The following CEP95 variants were observed in gnomAD, a reference collection of about 807,000 sequenced individuals.
The protein encoded by CEP95 is centrosomal protein 95.
CEP95 carries 98 observed loss-of-function variants against 111.2 expected under a neutral mutation model. The observed-to-expected ratio is 0.88, with a 90% CI of 0.75 to 1.04. The LOEUF (loss-of-function observed/expected upper bound fraction) is 1.04. Among genes scored for constraint, CEP95 ranks in the 50% least tolerant of loss-of-function variants. The pLI, the probability that CEP95 is intolerant of heterozygous loss-of-function variation, is 0.00. For missense variants in CEP95, 1,027 were observed against 977.2 expected (o/e 1.05, Z -0.68); for synonymous variants, 323 against 327.1 (o/e 0.99, Z 0.14).
chr17:64,507,283 T>A, intron 1 of CEP95, 167 bp downstream of exon 1: 1 of 1,472,666 alleles, frequency 6.8e-7, no homozygotes, highest in Non-Finnish European at 9.0e-7. Flanking sequence ...CTTCACCACC[T>A]CTTCGCTTCG....
At chr17:64,510,570 T>A (rs2144338580) in intron 3 of CEP95, among the ~76,000 whole-genome samples, 1 of 152,322 alleles carries the variant, frequency 6.6e-6, no homozygotes, top group South Asian at 2.1e-4. Context: ...TTTTTATTTT[T>A]TGATTCAGAG....
chr17:64,516,651 C>T, intron 4 of CEP95, 72 bp from the exon 5 acceptor site: 2 of 898,446 alleles, frequency 2.2e-6, no homozygotes, highest in South Asian at 3.6e-5. Context: ...CTTACCTTTC[C>T]CTGCCTCTTA....
intron 11 of CEP95, among the ~76,000 whole-genome samples, chr17:64,529,068 A>G (rs1295787299): frequency 6.6e-6 from 1 of 152,234 alleles, no homozygotes; most frequent in African/African-American, 2.4e-5. Context: ...TTGAATATCC[A>G]AAGTTGAATG....
intron 17 of CEP95, chr17:64,535,130 A>G (rs1290197092): frequency 1.3e-5 from 3 of 224,254 alleles, no homozygotes; most frequent in African/African-American, 6.9e-5. Context: ...CAAGGATGAC[A>G]TTTGCTATGT....
intron 5 of CEP95, among the ~76,000 whole-genome samples, chr17:64,518,468 G>C (rs1967048605): frequency 6.6e-6 from 1 of 152,176 alleles, no homozygotes. Flanking sequence ...GGACCTTCAT[G>C]AGCCAGTATC....
At chr17:64,527,891 T>TATATATAC (rs1555679494) in intron 11 of CEP95, among the ~76,000 whole-genome samples, 10 of 141,570 alleles carry the variant, frequency 7.1e-5, no homozygotes, top group East Asian at 2.1e-4. Flanking sequence ...TATATATATA[T>TATATATAC]ACACACACAC....
At chr17:64,537,266 A>G in intron 19 of CEP95, 154 bp downstream of exon 19, 2 of 1,409,654 alleles carry the variant, frequency 1.4e-6, no homozygotes, top group Non-Finnish European at 1.9e-6. Context: ...GTACACTGAC[A>G]TTTTGCACAA....
In CEP95 at chr17:64,534,707, A is replaced by G; in HGVS notation, c.2040A>G (p.Lys680=). The G allele has an allele frequency of 6.2e-7, 1 of 1,612,838 alleles. No homozygotes were observed. The highest frequency in any genetic ancestry group is 8.5e-7 in the Non-Finnish European group (1 of 1,179,354). ...ATTATAGAGTTCAGTTGTGTGCAAA[A>G]ATGATGAGAATGAGGACCCGGGAAG... ...YDDYRVQLCA[K]MMRMRTREEM... is the part of the protein sequence containing the mutation. Residue 680 remains lysine (K), a synonymous_variant, in exon 17 of 20, where the codon AAA becomes AAG. Transcript: ENST00000556440.
intron 1 of CEP95, chr17:64,507,318 T>TGG: frequency 6.9e-7 from 1 of 1,442,434 alleles, no homozygotes; most frequent in Non-Finnish European, 9.1e-7. Flanking sequence ...CAGTATGCTG[T>TGG]GGGAGAGAGA....
intron 5 of CEP95, among the ~76,000 whole-genome samples, 200 bp downstream of exon 5, chr17:64,517,028 C>G (rs1393171622): frequency 6.6e-6 from 1 of 152,074 alleles, no homozygotes; most frequent in African/African-American, 2.4e-5. Context: ...TATCAACTAT[C>G]TACTCATTTT....
At position 64,537,849 on chromosome 17, in the gene CEP95, T is replaced by TAAAC; in HGVS notation, c.*72_*75dup. 2 of 879,426 alleles carry TAAAC rather than the reference T, an allele frequency of 2.3e-6. No homozygotes were observed. Among genetic ancestry groups the TAAAC allele is most frequent in the Non-Finnish European group, 3.2e-6 (2 of 619,276 alleles). 54.5% of individuals were successfully genotyped at this position (879,426 alleles called of 1,614,324 possible). A position where few individuals can be genotyped will look rare whatever the true frequency, so the allele number is the denominator to read the frequency against. On this transcript the variant is annotated 3_prime_UTR_variant, in exon 20 of 20. Transcript: ENST00000556440. ...CAGGACAGAGCTAGAATCGAGCCAG[T>TAAAC]AAACAGTCTAAGCCAGAAAAATAAT...
At chr17:64,517,625 C>A (rs1355891584) in intron 5 of CEP95, among the ~76,000 whole-genome samples, 2 of 151,312 alleles carry the variant, frequency 1.3e-5, no homozygotes, top group Admixed American at 1.3e-4. Context: ...TTCACTGTAG[C>A]CTTGAACTCC....
intron 11 of CEP95, among the ~76,000 whole-genome samples, chr17:64,527,758 T>C (rs933120213): frequency 6.6e-6 from 1 of 151,980 alleles, no homozygotes; most frequent in Non-Finnish European, 1.5e-5. Context: ...GTAACTGAGT[T>C]CTTACAGTGT....
chr17:64,506,981 C>A lies in CEP95; in HGVS notation c.-117C>A. The A allele has an allele frequency of 8.5e-7, 1 of 1,182,644 alleles. No individual in the cohort carries two copies. 73.3% of individuals were successfully genotyped at this position (1,182,644 alleles called of 1,614,324 possible). A position where few individuals can be genotyped will look rare whatever the true frequency, so the allele number is the denominator to read the frequency against. On this transcript the variant is annotated 5_prime_UTR_variant, in exon 1 of 20. Transcript: ENST00000556440. ...TCCGTCCTTCTTTCACGCCTCCTTC[C>A]CCGCGCTTTGGTTCGTGCGTCCGCG...
At chr17:64,515,349 A>G (rs1364351488) in intron 4 of CEP95, among the ~76,000 whole-genome samples, 2 of 152,206 alleles carry the variant, frequency 1.3e-5, no homozygotes, top group African/African-American at 4.8e-5. Context: ...ACCAGTAGGT[A>G]TTTGTATGCT....
chr17:64,530,008 T>G (rs1555679929), intron 12 of CEP95, among the ~76,000 whole-genome samples: 3 of 152,182 alleles, frequency 2.0e-5, no homozygotes, highest in Non-Finnish European at 2.9e-5. Context: ...TAACTTCCAC[T>G]CAGGAGAGTA....
intron 6 of CEP95, among the ~76,000 whole-genome samples, chr17:64,520,998 C>T (rs1320143705): frequency 2.0e-5 from 3 of 152,088 alleles, no homozygotes; most frequent in Admixed American, 2.0e-4. Context: ...AATCCCAGTA[C>T]TTTGGGAGGC....
intron 16 of CEP95, chr17:64,534,029 A>C (rs1968471170): frequency 6.6e-6 from 1 of 152,590 alleles, no homozygotes; most frequent in South Asian, 2.1e-4. Context: ...CTGAGTGTGG[A>C]GTAGAGATAA....
chr17:64,521,697 A>G (rs1967351112), intron 7 of CEP95, among the ~76,000 whole-genome samples, 170 bp downstream of exon 7: 1 of 150,456 alleles, frequency 6.6e-6, no homozygotes, highest in African/African-American at 2.4e-5. Flanking sequence ...TCTGCTTAAC[A>G]TGGTCTTTGG....
Sources: allele counts gnomAD v4.1 joint callset (sites outside exome capture counted in the v4.1 genomes callset), GRCh38; gene constraint gnomAD v4.1.1; transcripts MANE v1.5; gene names NCBI Gene and HGNC (gene_info 2026-07-23, HGNC 2026-07-21).